The following NR1D2 variants were observed in gnomAD, a reference collection of about 807,000 sequenced individuals.
NR1D2 encodes the protein V-erbA-related protein 1-related.
In NR1D2, 25 loss-of-function variants were observed where a neutral mutation model predicts 52.2. The ratio of observed to expected loss-of-function variants is 0.48; its 90% CI spans 0.35 to 0.67. NR1D2 has a LOEUF of 0.67. Ranked by LOEUF, NR1D2 falls within the 30% of genes least tolerant of loss-of-function variation. The probability of loss-of-function intolerance (pLI) is 0.01; values close to 1 mark genes in which losing one functional copy is unlikely to be tolerated. For synonymous variants in NR1D2, 259 were observed against 230.1 expected (o/e 1.13, Z -1.14); for missense variants, 681 against 707.2 (o/e 0.96, Z 0.42).
intron 4 of NR1D2, among the ~76,000 whole-genome samples, chr3:23,960,497 A>G (rs1706206109): frequency 6.6e-6 from 1 of 151,742 alleles, no homozygotes; most frequent in African/African-American, 2.4e-5. Context: ...CACCTGGCTA[A>G]TTTTTGTATT....
At chr3:23,953,475 G>T (rs1706000816) in intron 1 of NR1D2, among the ~76,000 whole-genome samples, 1 of 151,870 alleles carries the variant, frequency 6.6e-6, no homozygotes, top group South Asian at 2.1e-4. Context: ...TGTTATTCTG[G>T]TATAGCATGC....
intron 7 of NR1D2, among the ~76,000 whole-genome samples, chr3:23,975,312 C>G (rs1468715603): frequency 6.9e-6 from 1 of 144,246 alleles, no homozygotes; most frequent in Non-Finnish European, 1.5e-5. Context: ...TTTGTAAAGA[C>G]AAAGACTCAC....
intron 1 of NR1D2, chr3:23,946,056 G>C (rs1705687166): frequency 1.0e-6 from 1 of 974,780 alleles, no homozygotes; most frequent in Admixed American, 6.2e-5. Flanking sequence ...CTGGCTGGGA[G>C]CGCCGCAGCC....
rs1427069109 is a variant in NR1D2 at position 23,954,763 on chromosome 3, G to A, written c.243G>A (p.Ser81=). The A allele has an allele frequency of 2.5e-6, 4 of 1,614,016 alleles. No individual in the cohort carries two copies. The highest frequency in any genetic ancestry group is 1.3e-5 in the African/African-American group (1 of 74,930). Residue 81 remains serine, a synonymous_variant, in exon 2 of 8, where the codon TCG becomes TCA. Transcript: ENST00000312521. ...RIDCSMKTSK[S]SAPGMTKSHS... Reference sequence around the variant, plus strand: ...ATTGTTCTATGAAAACAAGCAAATCGAGTGCACCTGGGATGACAAAAAGTC... The same window carrying A: ...ATTGTTCTATGAAAACAAGCAAATCAAGTGCACCTGGGATGACAAAAAGTC...
intron 6 of NR1D2, among the ~76,000 whole-genome samples, chr3:23,965,870 T>C (rs188825033): frequency 4.5e-4 from 69 of 152,284 alleles, no homozygotes; most frequent in African/African-American, 1.6e-3. Flanking sequence ...TAGAATGTGA[T>C]TTCGTTTTTC....
Position 23,956,094 on chromosome 3 carries a change from A to G in NR1D2, c.341A>G (p.His114Arg). The change falls in exon 3 of 8, where the codon CAC becomes CGC. Residue 114 changes from histidine (H) to arginine (R), a missense_variant. This residue lies in a region of NR1D2 where 112 missense variants were observed against 162.3 expected (regional missense o/e 0.69). Transcript: ENST00000312521. ...KVCGDVASGF[H>R]YGVHACEGCK... The stretch of plus-strand genomic sequence containing the variant: ...TGTGGGGATGTGGCGTCAGGATTCC[A>G]CTATGGAGTTCATGCTTGCGAAGGC... The G allele has an allele frequency of 6.2e-7, 1 of 1,613,972 alleles. No homozygotes were observed. Among genetic ancestry groups the G allele is most frequent in the Non-Finnish European group, 8.5e-7 (1 of 1,179,890 alleles).
chr3:23,977,122 T>C lies in NR1D2; in HGVS notation c.1544-101T>C, dbSNP rs1706749495. Reference sequence around the variant, plus strand: ...TTTATTCAGATGTATAAAACCTTGCTTTCTATTCGTTAGTGACACTGATAA... The same window carrying C: ...TTTATTCAGATGTATAAAACCTTGCCTTCTATTCGTTAGTGACACTGATAA... On this transcript the variant is annotated intron_variant, in intron 7 of 7. Coordinates refer to ENST00000312521, the MANE Select transcript of NR1D2 (RefSeq NM_005126.5). 11 of 643,638 alleles carry C rather than the reference T, an allele frequency of 1.7e-5. No homozygotes were observed. The South Asian group carries it at 4.5e-4, about 26-fold the overall frequency. The allele number at this position is 643,638 out of a possible 1,614,324, so 39.9% of individuals were successfully genotyped here. A position where few individuals can be genotyped will look rare whatever the true frequency, so the allele number is the denominator to read the frequency against.
Position 23,960,740 on chromosome 3 carries a change from A to T in NR1D2, c.517+925A>T, listed in dbSNP as rs1489272547. On this transcript the variant is annotated intron_variant, in intron 4 of 7. Transcript: ENST00000312521. The stretch of plus-strand genomic sequence containing the variant: ...CTAATGCTATAAAAATAGTTGATGG[A>T]TATTGTGATTGCCCTGAAAGAATAA... Among the ~76,000 whole-genome samples, 6 of 152,286 alleles carry T rather than the reference A, an allele frequency of 3.9e-5. 1 individual carries two copies. In the South Asian group the frequency reaches 1.0e-3, roughly 26 times the overall value.
intron 2 of NR1D2, 74 bp from the exon 3 acceptor site, chr3:23,955,963 A>T (rs1449969232): frequency 9.5e-7 from 1 of 1,049,194 alleles, no homozygotes; most frequent in East Asian, 2.4e-5. Context: ...TGAATGAAAT[A>T]AAATATCTAA....
In NR1D2 at chr3:23,962,455, T is replaced by C. The variant is rs1181149937; in HGVS notation, c.996T>C (p.Asn332=). ...GGAGGAATATAATGCATTACCCAAA[T>C]GGTCATGCCATTTGTATTGCAAATG... ...FKGRNIMHYP[N]GHAICIANGH... Residue 332 remains asparagine (N), a synonymous_variant, in exon 5 of 8, where the codon AAT becomes AAC. Coordinates refer to ENST00000312521, the MANE Select transcript of NR1D2 (RefSeq NM_005126.5). The C allele has an allele frequency of 6.2e-7, 1 of 1,614,098 alleles. No individual in the cohort carries two copies.
chr3:23,966,559 G>C (rs1706455780), intron 6 of NR1D2, among the ~76,000 whole-genome samples: 2 of 152,212 alleles, frequency 1.3e-5, no homozygotes, highest in Admixed American at 6.5e-5. Flanking sequence ...ATTCTTTAAT[G>C]CCTTTGGCCA....
At position 23,961,859 on chromosome 3, in the gene NR1D2, G is replaced by A. The variant is rs1706255894; in HGVS notation, c.518-118G>A. On this transcript the variant is annotated intron_variant, in intron 4 of 7. Transcript: ENST00000312521. Reference sequence around the variant, plus strand: ...GAAAAATGTGGACCAGAGACATGTAGACTCATTCTTTATATGTATGACTAG... The same window carrying A: ...GAAAAATGTGGACCAGAGACATGTAAACTCATTCTTTATATGTATGACTAG... 5 of 923,442 alleles carry A rather than the reference G, an allele frequency of 5.4e-6. No homozygotes were observed. The South Asian group carries it at 5.6e-5, about 10-fold the overall frequency. The allele number at this position is 923,442 out of a possible 1,614,324, so 57.2% of individuals were successfully genotyped here.
chr3:23,967,560 G>A (rs1706482442), intron 6 of NR1D2, among the ~76,000 whole-genome samples: 1 of 152,142 alleles, frequency 6.6e-6, no homozygotes, highest in Non-Finnish European at 1.5e-5. Context: ...AGGTTGCAGT[G>A]AGCCAAGATC....
intron 6 of NR1D2, among the ~76,000 whole-genome samples, chr3:23,967,422 C>G (rs1255128626): frequency 6.6e-6 from 1 of 151,914 alleles, no homozygotes; most frequent in Admixed American, 6.6e-5. Context: ...TGAGACCAGC[C>G]TTGCTAACAT....
rs79787144 is a variant in NR1D2, at chr3:23,976,464, G to C, written c.1544-759G>C. Among the ~76,000 whole-genome samples, 634 of 152,326 alleles carry C rather than the reference G, an allele frequency of 4.2e-3. 4 individuals carry two copies. Among genetic ancestry groups the C allele is most frequent in the African/African-American group, 0.014 (596 of 41,568 alleles). On this transcript the variant is annotated intron_variant, in intron 7 of 7. Transcript: ENST00000312521. ...TGAAGGCTTGAGTAGGGAAGGATCTGCTTTCAGTTGTATGTAGTTATCGGC... is the reference window on the plus strand; with the variant it reads ...TGAAGGCTTGAGTAGGGAAGGATCTCCTTTCAGTTGTATGTAGTTATCGGC...
intron 7 of NR1D2, among the ~76,000 whole-genome samples, chr3:23,975,633 C>T (rs533512173): frequency 5.9e-5 from 9 of 152,076 alleles, no homozygotes; most frequent in Admixed American, 2.0e-4. Flanking sequence ...GTGGTGGGTG[C>T]CTGTAATCCC....
At chr3:23,973,679 ATAAAT>A (rs542746314) in intron 7 of NR1D2, among the ~76,000 whole-genome samples, 2 of 152,180 alleles carry the variant, frequency 1.3e-5, no homozygotes, top group Non-Finnish European at 2.9e-5. Context: ...TTCTTCCATA[ATAAAT>A]TAACCTTAGC....
chr3:23,948,479 G>T (rs1478412768), intron 1 of NR1D2, among the ~76,000 whole-genome samples: 3 of 152,174 alleles, frequency 2.0e-5, no homozygotes, highest in Admixed American at 6.6e-5. Flanking sequence ...GAAACCACTG[G>T]ATCCTTAACA....
chr3:23,947,594 C>T (rs1705780998), intron 1 of NR1D2, among the ~76,000 whole-genome samples: 1 of 152,208 alleles, frequency 6.6e-6, no homozygotes, highest in South Asian at 2.1e-4. Flanking sequence ...TGTTGCTTTG[C>T]TGACTCACAG....
Sources: allele counts gnomAD v4.1 joint callset (sites outside exome capture counted in the v4.1 genomes callset), GRCh38; gene constraint gnomAD v4.1.1; regional missense constraint gnomAD v4.1.1; transcripts MANE v1.5; gene names NCBI Gene and HGNC (gene_info 2026-07-23, HGNC 2026-07-21).